Variants in IPO5 observed in about 807,000 individuals in gnomAD.
IPO5 encodes the protein importin 5.
In IPO5, 18 loss-of-function variants were observed where a neutral mutation model predicts 143.3. The ratio of observed to expected loss-of-function variants is 0.13; its 90% confidence interval spans 0.09 to 0.19. The LOEUF is 0.19. Ranked by LOEUF, IPO5 falls within the 10% of genes least tolerant of loss-of-function variation. The probability of loss-of-function intolerance (pLI) is 1.00; values close to 1 mark genes in which losing one functional copy is unlikely to be tolerated. For missense variants in IPO5, 1,013 were observed against 1,336.9 expected, an observed-to-expected ratio of 0.76 and a Z score of 3.78; for synonymous variants, 477 against 465.7, an observed-to-expected ratio of 1.02 and a Z score of -0.31.
At chr13:98,019,932 T>C in intron 27 of IPO5, 123 bp downstream of exon 27, 1 of 624,174 alleles carries the variant, frequency 1.6e-6, no homozygotes, top group South Asian at 2.0e-5. Flanking sequence ...GTTGTATAGG[T>C]TTATAATAGT....
At chr13:98,010,305 G>T in intron 20 of IPO5, 81 bp downstream of exon 20, 1 of 1,302,786 alleles carries the variant, frequency 7.7e-7, no homozygotes, top group Non-Finnish European at 1.1e-6. Flanking sequence ...AGCTGCTAAA[G>T]AAATTACTTT....
In IPO5 at chr13:98,008,155, A is replaced by G; in HGVS notation, c.1800+13A>G. ...TGATGATCCTCAGGTAAGTGGTCTT[A>G]ATGCATTTGCTTTGATCCGCTAATG... is the stretch of plus-strand genomic sequence containing the variant. On this transcript the variant is annotated intron_variant, in intron 18 of 28. Coordinates refer to ENST00000651721, the MANE Select transcript of IPO5 (RefSeq NM_002271.6). 6.5e-7 allele frequency: 1 copy of G among 1,528,212 alleles called. No homozygotes were observed. Among genetic ancestry groups the G allele is most frequent in the South Asian group, 1.1e-5 (1 of 89,158 alleles). 94.7% of individuals were successfully genotyped at this position (1,528,212 alleles called of 1,614,324 possible).
At chr13:97,985,198 CTAATTGAATTGTAATGTGA>C (rs1274164277) in intron 5 of IPO5, among the ~76,000 whole-genome samples, 5 of 152,216 alleles carry the variant, frequency 3.3e-5, no homozygotes, top group African/African-American at 1.2e-4. Flanking sequence ...ATATGTGTTC[CTAATTGAATTGTAATGTGA>C]TTAGAAGTTC....
Position 98,022,600 on chromosome 13 carries a change from T to C in IPO5, c.*778T>C, listed in dbSNP as rs1346276847. 2 of 152,238 alleles carry C rather than the reference T, an allele frequency of 1.3e-5. No homozygotes were observed. The highest frequency in any genetic ancestry group is 1.9e-4 in the East Asian group (1 of 5,196). The allele number at this position is 152,238 out of a possible 1,614,324, so 9.4% of individuals were successfully genotyped here. ...CTATCAGTAATAGCTGAGTGTTTTTTCCCCTAATATTTTCCTTGTGCAATT... is the reference window on the plus strand; with the variant it reads ...CTATCAGTAATAGCTGAGTGTTTTTCCCCCTAATATTTTCCTTGTGCAATT... On this transcript the variant is annotated 3_prime_UTR_variant, in exon 29 of 29. Transcript: ENST00000651721.
chr13:98,020,510 C>T (rs537739297), intron 27 of IPO5, among the ~76,000 whole-genome samples: 1 of 152,318 alleles, frequency 6.6e-6, no homozygotes, highest in South Asian at 2.1e-4. Context: ...CTTAATCATG[C>T]TATTTGATCA....
chr13:97,985,421 G>C lies in IPO5; in HGVS notation c.172G>C (p.Ala58Pro). 1 of 1,612,066 alleles carries C rather than the reference G, an allele frequency of 6.2e-7. No homozygotes were observed. The highest frequency in any genetic ancestry group is 8.5e-7 in the Non-Finnish European group (1 of 1,178,174). Reference sequence around the variant, plus strand: ...TATTAACAATGTTATCTGTTTATAGGCTAGACAAATGGCCGCCGTTCTCCT... The same window carrying C: ...TATTAACAATGTTATCTGTTTATAGCCTAGACAAATGGCCGCCGTTCTCCT... ...AIRNTTAAEE[A>P]RQMAAVLLRR... The change falls in exon 6 of 29, where the codon GCT becomes CCT. Residue 58 changes from alanine (A) to proline (P), a missense_variant and splice_region_variant. Ala to Pro is a conservative substitution (Grantham distance 27, BLOSUM62 -1). Around this residue, in one of 2 missense-constraint regions of IPO5, gnomAD observed 328 missense variants for 342.0 expected, o/e 0.96. Transcript: ENST00000651721.
intron 3 of IPO5, among the ~76,000 whole-genome samples, chr13:97,974,706 C>T (rs1317360826): frequency 1.3e-5 from 2 of 148,534 alleles, no homozygotes; most frequent in Non-Finnish European, 3.0e-5. Flanking sequence ...AAATCAAAAT[C>T]AAACAAAAAA....
At chr13:97,997,809 A>G (rs960663789) in intron 12 of IPO5, among the ~76,000 whole-genome samples, 191 bp downstream of exon 12, 1 of 152,174 alleles carries the variant, frequency 6.6e-6, no homozygotes, top group African/African-American at 2.4e-5. Flanking sequence ...TGTATAATTT[A>G]TATTAATAAA....
chr13:97,994,377 T>C (rs889457866), intron 11 of IPO5, among the ~76,000 whole-genome samples: 53 of 152,226 alleles, frequency 3.5e-4, no homozygotes, highest in African/African-American at 1.3e-3. Context: ...ACAAAAAGTT[T>C]TAAAGACTCA....
chr13:98,013,667 G>A (rs1343526560), intron 21 of IPO5, among the ~76,000 whole-genome samples: 1 of 152,106 alleles, frequency 6.6e-6, no homozygotes, highest in Non-Finnish European at 1.5e-5. Context: ...ATAGGAAGAG[G>A]TCCTCGGTGG....
Position 97,985,545 on chromosome 13 carries a change from T to C in IPO5, c.296T>C (p.Met99Thr). The change falls in exon 6 of 29, where the codon ATG becomes ACG. Residue 99 changes from methionine (M) to threonine (T), a missense_variant. Transcript: ENST00000651721. ...IKSELLMIIQ[M>T]ETQSSMRKKV... is the part of the protein sequence containing the mutation. ...AGTGAGCTACTCATGATTATTCAGA[T>C]GGAAACACAATCTAGCATGAGGAAA... 2 of 1,613,988 alleles carry C rather than the reference T, an allele frequency of 1.2e-6. No individual in the cohort carries two copies. The highest frequency in any genetic ancestry group is 1.7e-6 in the Non-Finnish European group (2 of 1,179,974).
At chr13:98,004,591 G>A (rs1889060379) in intron 16 of IPO5, among the ~76,000 whole-genome samples, 1 of 152,316 alleles carries the variant, frequency 6.6e-6, no homozygotes, top group South Asian at 2.1e-4. Flanking sequence ...GGAAGGAGTT[G>A]TTGGGATGGG....
chr13:97,986,970 G>A (rs1344617919), intron 6 of IPO5: 1 of 153,564 alleles, frequency 6.5e-6, no homozygotes, highest in Non-Finnish European at 1.5e-5. Context: ...TGAGCCTTTT[G>A]AAGAGACACT....
chr13:98,021,813 C>A lies in IPO5; in HGVS notation c.3285C>A (p.Asn1095Lys). 6.2e-7 allele frequency: 1 copy of A among 1,601,596 alleles called. No homozygotes were observed. The change falls in exon 29 of 29, where the codon AAC (asparagine) becomes AAA (lysine). Residue 1095 changes from asparagine to lysine, a missense_variant. Coordinates refer to ENST00000651721, the MANE Select transcript of IPO5 (RefSeq NM_002271.6). ...EQQAAIQELL[N>K]SA The stretch of plus-strand genomic sequence containing the variant: ...AGGCCGCCATTCAGGAGCTCCTGAA[C>A]TCTGCGTGAAGGGCCTTAATGTCAC...
intron 6 of IPO5, among the ~76,000 whole-genome samples, chr13:97,986,360 A>T (rs59479756): frequency 0.51 from 72,016 of 141,286 alleles, 18,093 homozygotes; most frequent in African/African-American, 0.65. Context: ...GTATATATAT[A>T]TTTTTTTTTT....
At chr13:97,985,117 A>G (rs745368910) in intron 5 of IPO5, among the ~76,000 whole-genome samples, 3 of 152,190 alleles carry the variant, frequency 2.0e-5, no homozygotes, top group Non-Finnish European at 4.4e-5. Flanking sequence ...AGGGTTTACA[A>G]TTTAAGATTT....
intron 26 of IPO5, among the ~76,000 whole-genome samples, chr13:98,019,097 C>T (rs1389142286): frequency 3.9e-5 from 6 of 152,014 alleles, no homozygotes; most frequent in South Asian, 2.1e-4. Context: ...GGACTACAGG[C>T]GCATGCCACC....
At chr13:97,973,129 G>A (rs1256768141) in intron 3 of IPO5, among the ~76,000 whole-genome samples, 3 of 138,912 alleles carry the variant, frequency 2.2e-5, no homozygotes, top group South Asian at 2.2e-4. Flanking sequence ...TGCAACCTCC[G>A]TCTCCTGGGT....
intron 6 of IPO5, chr13:97,987,936 A>G (rs780186050): frequency 4.9e-4 from 126 of 259,398 alleles, no homozygotes; most frequent in Non-Finnish European, 9.6e-4. Flanking sequence ...AAAGTATTCA[A>G]AGTGCTCTCA....
Sources: gnomAD v4.1 joint callset for allele counts (sites outside exome capture counted in the v4.1 genomes callset) on GRCh38, gnomAD v4.1.1 for gene constraint, gnomAD v4.1.1 regional missense constraint, MANE v1.5 for transcripts, NCBI Gene and HGNC (gene_info 2026-07-23, HGNC 2026-07-21) for gene names.